Variants in ERMARD observed in about 807,000 individuals in gnomAD.
ERMARD encodes endoplasmic reticulum membrane-associated RNA degradation protein.
Under a neutral mutation model 83.9 loss-of-function variants are expected in ERMARD, and 71 were observed. The observed-to-expected ratio is 0.85, with a 90% confidence interval of 0.70 to 1.03. The LOEUF (loss-of-function observed/expected upper bound fraction) is 1.03, where lower values mean the gene tolerates loss of function less well. Ranked by LOEUF, ERMARD falls within the 50% of genes least tolerant of loss-of-function variation. The probability of loss-of-function intolerance (pLI) is 0.00; values close to 1 mark genes in which losing one functional copy is unlikely to be tolerated. For missense variants in ERMARD, 838 were observed against 810.9 expected, an observed-to-expected ratio of 1.03 and a Z score of -0.41; for synonymous variants, 284 against 298.6, an observed-to-expected ratio of 0.95 and a Z score of 0.50.
intron 16 of ERMARD, among the ~76,000 whole-genome samples, chr6:169,776,888 A>G (rs548390653): frequency 2.0e-5 from 3 of 152,326 alleles, no homozygotes; most frequent in African/African-American, 7.2e-5. Context: ...AGGGTTAAGG[A>G]CATGCTGTGA....
intron 4 of ERMARD, 111 bp downstream of exon 4, chr6:169,756,550 A>T: frequency 3.0e-6 from 3 of 1,000,598 alleles, no homozygotes; most frequent in Non-Finnish European, 4.4e-6. Context: ...AGATAAAATC[A>T]TTTAGTATGA....
At chr6:169,766,963 TC>T in intron 10 of ERMARD, 1 of 302,390 alleles carries the variant, frequency 3.3e-6, no homozygotes, top group East Asian at 5.5e-5. Flanking sequence ...AGGGGTGACA[TC>T]TTTTTTGTAC....
At chr6:169,756,194 AT>A (rs1400884013) in intron 3 of ERMARD, 143 bp from the exon 4 acceptor site, 3 of 457,798 alleles carry the variant, frequency 6.6e-6, no homozygotes, top group African/African-American at 6.1e-5. Context: ...AGGCAATATA[AT>A]TATACAGAAA....
intron 2 of ERMARD, among the ~76,000 whole-genome samples, chr6:169,754,418 T>C (rs930098452): frequency 1.3e-5 from 2 of 152,172 alleles, no homozygotes; most frequent in African/African-American, 2.4e-5. Flanking sequence ...TTGCACACTT[T>C]GGAGCAGAGA....
chr6:169,767,809 G>A, intron 10 of ERMARD: 1 of 381,352 alleles, frequency 2.6e-6, no homozygotes, highest in Non-Finnish European at 4.8e-6. Context: ...ACACACAAAT[G>A]TACACACCCC....
intron 9 of ERMARD, among the ~76,000 whole-genome samples, chr6:169,765,685 TGAA>T (rs1792107154): frequency 1.3e-5 from 2 of 152,242 alleles, no homozygotes; most frequent in Admixed American, 1.3e-4. Flanking sequence ...GTAGTAATGT[TGAA>T]GAATATTGGC....
intron 9 of ERMARD, among the ~76,000 whole-genome samples, chr6:169,764,511 A>C (rs1023835277): frequency 3.0e-4 from 45 of 151,888 alleles, no homozygotes; most frequent in African/African-American, 1.1e-3. Flanking sequence ...GGCATAAGTC[A>C]TCCTTCTGCC....
At position 169,751,734 on chromosome 6, in the gene ERMARD, G is replaced by A. The variant is rs569668966; in HGVS notation, c.6+71G>A. On this transcript the variant is annotated intron_variant, in intron 1 of 17. Transcript: ENST00000366773. ...GTCGGCGCCAGGCTGGGTGGTGCTCGGCTACGCGGAGTGGGCGAGCGAGCA... is the reference window on the plus strand; with the variant it reads ...GTCGGCGCCAGGCTGGGTGGTGCTCAGCTACGCGGAGTGGGCGAGCGAGCA... 564 of 1,474,708 alleles carry A rather than the reference G, an allele frequency of 3.8e-4. 1 individual carries two copies. The African/African-American group carries it at 7.1e-3, about 19-fold the overall frequency. 91.4% of individuals were successfully genotyped at this position (1,474,708 alleles called of 1,614,324 possible). A position where few individuals can be genotyped will look rare whatever the true frequency, so the allele number is the denominator to read the frequency against.
intron 8 of ERMARD, among the ~76,000 whole-genome samples, chr6:169,760,971 T>C (rs1302024591): frequency 6.6e-6 from 1 of 151,940 alleles, no homozygotes. Flanking sequence ...GGTGATAGAA[T>C]TATTTTTCAG....
intron 10 of ERMARD, chr6:169,767,626 G>C: frequency 6.0e-6 from 1 of 165,364 alleles, no homozygotes. Context: ...ATACCTCCAT[G>C]CCACACAGAC....
intron 11 of ERMARD, among the ~76,000 whole-genome samples, chr6:169,768,720 C>A (rs1267821241): frequency 1.3e-5 from 2 of 152,146 alleles, no homozygotes; most frequent in Non-Finnish European, 2.9e-5. Context: ...GAGCTGAGAT[C>A]CTGCCACTGC....
chr6:169,751,564 G>A, upstream of ERMARD: 3 of 1,609,424 alleles, frequency 1.9e-6, no homozygotes, highest in South Asian at 1.1e-5. Context: ...GCCTCGTACG[G>A]TAGGAAGTGC....
chr6:169,769,614 C>G lies in ERMARD; in HGVS notation c.1134C>G (p.Asn378Lys), dbSNP rs559838364. 6.2e-7 allele frequency: 1 copy of G among 1,613,422 alleles called. No individual in the cohort carries two copies. Among genetic ancestry groups the G allele is most frequent in the Non-Finnish European group, 8.5e-7 (1 of 1,179,738 alleles). ...IRDHLSHGEI[N>K]LHEFSKETTN... ...ATCATTTAAGCCACGGGGAGATCAA[C>G]TTACATGAATTTTCAAAAGAAACAA... Residue 378 changes from asparagine to lysine, a missense_variant, in exon 12 of 18, where the codon AAC (asparagine) becomes AAG (lysine). Coordinates refer to ENST00000366773, the MANE Select transcript of ERMARD (RefSeq NM_018341.3).
At chr6:169,763,136 TCTC>T (rs1456685598) in intron 9 of ERMARD, among the ~76,000 whole-genome samples, 1 of 152,228 alleles carries the variant, frequency 6.6e-6, no homozygotes, top group African/African-American at 2.4e-5. Context: ...TCCTAGAATT[TCTC>T]ATTTCTGCTC....
At position 169,775,999 on chromosome 6, in the gene ERMARD, A is replaced by G; in HGVS notation, c.1454A>G (p.Glu485Gly). 2.5e-6 allele frequency: 4 copies of G among 1,614,226 alleles called. No individual in the cohort carries two copies. Among genetic ancestry groups the G allele is most frequent in the Non-Finnish European group, 3.4e-6 (4 of 1,180,034 alleles). The change falls in exon 15 of 18, where the codon GAG becomes GGG. Residue 485 changes from glutamate (E) to glycine (G), a missense_variant. Transcript: ENST00000366773. Reference sequence around the variant, plus strand: ...TCTTTGATTACAAAAATGACGGATGAGCTGTATCACCATATGCCTGAGAAT... The same window carrying G: ...TCTTTGATTACAAAAATGACGGATGGGCTGTATCACCATATGCCTGAGAAT... ...CHSLITKMTDELYHHMPENRC... is the reference protein window; with the variant it reads ...CHSLITKMTDGLYHHMPENRC...
chr6:169,762,092 G>T lies in ERMARD; in HGVS notation c.858-337G>T, dbSNP rs374346923. Among the ~76,000 whole-genome samples, 12 of 152,068 alleles carry T rather than the reference G, an allele frequency of 7.9e-5. No homozygotes were observed. In the East Asian group the frequency reaches 1.5e-3, roughly 20 times the overall value. On this transcript the variant is annotated intron_variant, in intron 8 of 17. Coordinates refer to ENST00000366773, the MANE Select transcript of ERMARD (RefSeq NM_018341.3). ...GGTGTCAATATTATTTTTGTTTTTT[G>T]CTTGTTTTTTACTTAGAGAGTCTTA...
At chr6:169,774,102 G>T (rs894166057) in intron 13 of ERMARD, among the ~76,000 whole-genome samples, 1 of 152,302 alleles carries the variant, frequency 6.6e-6, no homozygotes, top group African/African-American at 2.4e-5. Context: ...TTGGGAGGCC[G>T]AGGCGGGCGG....
intron 13 of ERMARD, 149 bp downstream of exon 13, chr6:169,773,551 G>C (rs1793231614): frequency 2.9e-6 from 2 of 683,884 alleles, no homozygotes. Flanking sequence ...GGCCTGCTGT[G>C]GCGCTGGCCT....
intron 10 of ERMARD, chr6:169,766,885 A>G (rs1193910711): frequency 4.4e-6 from 2 of 457,998 alleles, no homozygotes; most frequent in Non-Finnish European, 3.8e-6. Context: ...CCAAAGCTCA[A>G]AGTTGGAAAA....
Sources: allele counts gnomAD v4.1 joint callset (sites outside exome capture counted in the v4.1 genomes callset), GRCh38; gene constraint gnomAD v4.1.1; transcripts MANE v1.5; gene names NCBI Gene and HGNC (gene_info 2026-07-23, HGNC 2026-07-21).